The following LMO2 variants were observed in gnomAD, a reference collection of about 807,000 sequenced individuals.
The protein encoded by LMO2 is LIM domain only 2.
Under a neutral mutation model 23.2 loss-of-function variants are expected in LMO2, and 20 were observed. The observed-to-expected ratio is 0.86, with a 90% CI of 0.61 to 1.25. The LOEUF (loss-of-function observed/expected upper bound fraction) is 1.25. Among genes scored for constraint, LMO2 ranks in the 50% most tolerant of loss-of-function variants. The probability of loss-of-function intolerance (pLI) is 0.00; values close to 1 mark genes in which losing one functional copy is unlikely to be tolerated. For missense variants in LMO2, 270 were observed against 315.3 expected (o/e 0.86, Z 1.09); for synonymous variants, 123 against 130.2 (o/e 0.94, Z 0.38).
At position 33,869,981 on chromosome 11, in the gene LMO2, C is replaced by T. The variant is rs1856965424; in HGVS notation, c.-265G>A. The T allele has an allele frequency of 9.7e-7, 1 of 1,029,812 alleles. No homozygotes were observed. Among genetic ancestry groups the T allele is most frequent in the African/African-American group, 1.7e-5 (1 of 58,502 alleles). 63.8% of individuals were successfully genotyped at this position (1,029,812 alleles called of 1,614,324 possible). ...TTCCCTCTGTCTCTGGTTTCATTTC[C>T]TTTTTCCTGATCACGATTCAAATAC... On this transcript the variant is annotated 5_prime_UTR_variant, in exon 3 of 6. Coordinates refer to ENST00000257818, the MANE Select transcript of LMO2 (RefSeq NM_005574.4).
rs764536442 is a variant in LMO2 at position 33,859,580 on chromosome 11, G to A, written c.465-5C>T. 47 of 1,613,440 alleles carry A rather than the reference G, an allele frequency of 2.9e-5. No individual in the cohort carries two copies. Among genetic ancestry groups the A allele is most frequent in the African/African-American group, 5.3e-5 (4 of 74,836 alleles). On this transcript the variant is annotated splice_polypyrimidine_tract_variant and splice_region_variant and intron_variant, in intron 5 of 5. Coordinates refer to ENST00000257818, the MANE Select transcript of LMO2 (RefSeq NM_005574.4). ...AGACCGTCTTGCCCAAAAAGCCTGG[G>A]GCAAAAGAAAGAAAAGCTAAGAAGA...
intron 2 of LMO2, among the ~76,000 whole-genome samples, chr11:33,874,831 C>A (rs1857098506): frequency 6.6e-6 from 1 of 152,246 alleles, no homozygotes; most frequent in Admixed American, 6.5e-5. Context: ...CTGATTTCAT[C>A]TGATTTTCCC....
At chr11:33,879,758 C>T (rs1353492692) in intron 2 of LMO2, among the ~76,000 whole-genome samples, 1 of 152,162 alleles carries the variant, frequency 6.6e-6, no homozygotes, top group Non-Finnish European at 1.5e-5. Context: ...AAAAGATGTT[C>T]TACATCACTA....
At chr11:33,886,244 G>A (rs1479343799) in intron 1 of LMO2, among the ~76,000 whole-genome samples, 1 of 152,206 alleles carries the variant, frequency 6.6e-6, no homozygotes, top group East Asian at 1.9e-4. Context: ...TCACAAAGAT[G>A]CACAAAGCAG....
At chr11:33,859,644 T>C in intron 5 of LMO2, 69 bp from the exon 6 acceptor site, 2 of 1,456,284 alleles carry the variant, frequency 1.4e-6, no homozygotes, top group East Asian at 2.3e-5. Context: ...GGCTCGGGGA[T>C]GAGCCCTAGA....
At chr11:33,872,004 C>T (rs758206890) in intron 2 of LMO2, among the ~76,000 whole-genome samples, 2 of 152,028 alleles carry the variant, frequency 1.3e-5, no homozygotes, top group Non-Finnish European at 2.9e-5. Flanking sequence ...TGGCCCACAC[C>T]TGTAATCCCA....
At chr11:33,861,761 G>A (rs1856590506) in intron 5 of LMO2, among the ~76,000 whole-genome samples, 1 of 152,156 alleles carries the variant, frequency 6.6e-6, no homozygotes, top group Non-Finnish European at 1.5e-5. Context: ...AAGTCAGGGG[G>A]TAAATTACAA....
chr11:33,871,297 A>C (rs1245944826), intron 2 of LMO2, among the ~76,000 whole-genome samples: 1 of 151,644 alleles, frequency 6.6e-6, no homozygotes, highest in African/African-American at 2.4e-5. Flanking sequence ...TCAGTATACA[A>C]AAAGACTTTT....
At chr11:33,859,658 G>C in intron 5 of LMO2, 83 bp from the exon 6 acceptor site, 2 of 1,294,060 alleles carry the variant, frequency 1.5e-6, no homozygotes, top group Non-Finnish European at 2.1e-6. Flanking sequence ...CCCTAGAAAG[G>C]AGGCCGAACT....
rs150885335 is a variant in LMO2 at position 33,859,467 on chromosome 11, G to A, written c.573C>T (p.Cys191=). The change falls in exon 6 of 6, where the codon TGC becomes TGT. Residue 191 remains cysteine (C), a synonymous_variant. Coordinates refer to ENST00000257818, the MANE Select transcript of LMO2 (RefSeq NM_005574.4). ...DKVYHLECFK[C]AACQKHFCVG... is the part of the protein sequence containing the mutation. ...CACAGAAATGCTTCTGACAGGCGGCGCATTTGAAACATTCCAGGTGATACA... is the reference window on the plus strand; with the variant it reads ...CACAGAAATGCTTCTGACAGGCGGCACATTTGAAACATTCCAGGTGATACA... 114 of 1,613,840 alleles carry A rather than the reference G, an allele frequency of 7.1e-5. No individual in the cohort carries two copies. Among genetic ancestry groups the A allele is most frequent in the East Asian group, 6.0e-4 (27 of 44,864 alleles).
At chr11:33,877,927 T>C (rs977096427) in intron 2 of LMO2, among the ~76,000 whole-genome samples, 1 of 152,096 alleles carries the variant, frequency 6.6e-6, no homozygotes, top group African/African-American at 2.4e-5. Flanking sequence ...GCTGCTTCCC[T>C]TCAGTCACCC....
At chr11:33,883,364 A>G (rs966617451) in intron 1 of LMO2, among the ~76,000 whole-genome samples, 9 of 152,262 alleles carry the variant, frequency 5.9e-5, no homozygotes, top group Non-Finnish European at 8.8e-5. Context: ...GTTGGCACAT[A>G]GGCCATGTAT....
intron 1 of LMO2, among the ~76,000 whole-genome samples, chr11:33,884,202 A>G (rs1019409918): frequency 5.9e-5 from 9 of 152,034 alleles, no homozygotes; most frequent in Non-Finnish European, 1.3e-4. Context: ...GGGAGGAGAA[A>G]GAGCCTGGTG....
intron 5 of LMO2, among the ~76,000 whole-genome samples, chr11:33,861,648 T>TG (rs1202363977): frequency 3.6e-4 from 55 of 152,336 alleles, no homozygotes; most frequent in African/African-American, 1.3e-3. Flanking sequence ...AAGTTAAGTT[T>TG]GGGCCTGAGC....
chr11:33,869,963 T>A lies in LMO2; in HGVS notation c.-247A>T. 3.9e-6 allele frequency: 4 copies of A among 1,038,788 alleles called. No individual in the cohort carries two copies. Among genetic ancestry groups the A allele is most frequent in the African/African-American group, 1.7e-5 (1 of 58,772 alleles). The allele number at this position is 1,038,788 out of a possible 1,614,324, so 64.3% of individuals were successfully genotyped here. A position where few individuals can be genotyped will look rare whatever the true frequency, so the allele number is the denominator to read the frequency against. On this transcript the variant is annotated 5_prime_UTR_variant, in exon 3 of 6. Transcript: ENST00000257818. ...GGTCTATTTTCGCTCAGCTTCCCTC[T>A]GTCTCTGGTTTCATTTCCTTTTTCC...
At chr11:33,885,735 C>T (rs992179814) in intron 1 of LMO2, among the ~76,000 whole-genome samples, 1 of 152,166 alleles carries the variant, frequency 6.6e-6, no homozygotes, top group Non-Finnish European at 1.5e-5. Context: ...TTGAGGGATC[C>T]CCCAAGGGAA....
In LMO2 at chr11:33,880,167, G is replaced by GATATATATATATATC. The variant is rs1359626700; in HGVS notation, c.-272+1656_-272+1657insGATATATATATATAT. On this transcript the variant is annotated intron_variant, in intron 2 of 5. Transcript: ENST00000257818. The surrounding 1 kb of genome is among the most constrained non-coding windows in gnomAD (Gnocchi z 4.3). ...TTTATGTGTACATATATATACATATGATATATACACATGATATATATATCA... is the reference window on the plus strand; with the variant it reads ...TTTATGTGTACATATATATACATATGATATATATATATATCATATATACACATGATATATATATCA... Among the ~76,000 whole-genome samples, 441 of 32,576 alleles carry GATATATATATATATC rather than the reference G, an allele frequency of 0.014. 47 individuals carry two copies. The highest frequency in any genetic ancestry group is 0.045 in the African/African-American group (366 of 8,166). 21.4% of individuals were successfully genotyped at this position (32,576 alleles called of 152,430 possible).
Position 33,880,085 on chromosome 11 carries a change from G to A in LMO2, c.-272+1739C>T, listed in dbSNP as rs766651669. Among the ~76,000 whole-genome samples the A allele has an allele frequency of 1.3e-5, 2 of 151,836 alleles. No homozygotes were observed. Among genetic ancestry groups the A allele is most frequent in the Non-Finnish European group, 2.9e-5 (2 of 67,982 alleles). On this transcript the variant is annotated intron_variant, in intron 2 of 5. Transcript: ENST00000257818. This position sits in a 1 kb window ranked among gnomAD's most constrained non-coding sequence, Gnocchi z 4.3. ...TACTATTCACAATAGCCAGAAAGTG[G>A]AAGCAACCAAGTGTCTATCAACAGA...
In LMO2 at chr11:33,864,901, G is replaced by A. The variant is rs1331982340; in HGVS notation, c.249-84C>T. On this transcript the variant is annotated intron_variant, in intron 4 of 5. Transcript: ENST00000257818. This position sits in a 1 kb window ranked among gnomAD's most constrained non-coding sequence, Gnocchi z 4.8. The stretch of plus-strand genomic sequence containing the variant: ...TCCGAGATCGTTTTGGGCCAGACAG[G>A]GCATCTCACCTGACTGCCTTTCAGT... The A allele has an allele frequency of 8.0e-7, 1 of 1,247,210 alleles. No individual in the cohort carries two copies. The highest frequency in any genetic ancestry group is 1.5e-5 in the African/African-American group (1 of 67,860). The allele number at this position is 1,247,210 out of a possible 1,614,324, so 77.3% of individuals were successfully genotyped here.
Sources: gnomAD v4.1 joint callset for allele counts (sites outside exome capture counted in the v4.1 genomes callset) on GRCh38, gnomAD v4.1.1 for gene constraint, Gnocchi (gnomAD v3.1) non-coding constraint, MANE v1.5 for transcripts, NCBI Gene and HGNC (gene_info 2026-07-23, HGNC 2026-07-21) for gene names.